Variants in FAM149A observed in about 807,000 individuals in gnomAD.
The protein encoded by FAM149A is protein FAM149A.
In FAM149A, 71 loss-of-function variants were observed where a neutral mutation model predicts 78.2. The ratio of observed to expected loss-of-function variants is 0.91; its 90% CI spans 0.75 to 1.11. The LOEUF is 1.11. Ranked by LOEUF, FAM149A falls within the 50% of genes least tolerant of loss-of-function variation. The pLI, the probability that FAM149A is intolerant of heterozygous loss-of-function variation, is 0.00. For missense variants in FAM149A, 1,036 were observed against 971.0 expected, an observed-to-expected ratio of 1.07 and a Z score of -0.89; for synonymous variants, 446 against 410.5, an observed-to-expected ratio of 1.09 and a Z score of -1.04.
At chr4:186,145,168 G>A in intron 1 of FAM149A, 2 of 984,504 alleles carry the variant, frequency 2.0e-6, no homozygotes, top group Non-Finnish European at 2.4e-6. Context: ...GGCGATGTGC[G>A]CGGTGTTCTC....
chr4:186,127,139 C>T (rs950981505), intron 1 of FAM149A: 115 of 985,094 alleles, frequency 1.2e-4, no homozygotes, highest in Non-Finnish European at 1.3e-4. Flanking sequence ...GCTGACTGCA[C>T]GGGCCAACAG....
rs1390521573 is a variant in FAM149A, at chr4:186,151,381, T to C, written c.790-522T>C. ...TCAGGCCTCACCCTAATAACCACAC[T>C]TCTTAGGATAACTAAGGATTTTTTT... On this transcript the variant is annotated intron_variant, in intron 3 of 13. Transcript: ENST00000389354. Among the ~76,000 whole-genome samples the C allele has an allele frequency of 5.3e-5, 8 of 152,334 alleles. No homozygotes were observed. In the South Asian group the frequency reaches 1.2e-3, roughly 24 times the overall value.
intron 9 of FAM149A, 80 bp downstream of exon 9, chr4:186,163,028 A>G (rs942800835): frequency 1.2e-6 from 1 of 838,072 alleles, no homozygotes; most frequent in Non-Finnish European, 2.0e-6. Flanking sequence ...TGCAGGGGAC[A>G]TGAGATCACG....
chr4:186,109,914 C>G, intron 1 of FAM149A: 2 of 985,328 alleles, frequency 2.0e-6, no homozygotes, highest in Non-Finnish European at 2.4e-6. Flanking sequence ...GTTTAATTAA[C>G]ATTACCACTG....
intron 1 of FAM149A, chr4:186,117,504 G>C: frequency 1.0e-6 from 1 of 985,428 alleles, no homozygotes; most frequent in Non-Finnish European, 1.2e-6. Context: ...TCAGGGGTCT[G>C]AGTTCTAAAG....
rs1420404084 is a variant in FAM149A at position 186,136,964 on chromosome 4, TTCTCTCTCTCTTTCTCTCTCTCTC to T, written c.567-12197_567-12174del. On this transcript the variant is annotated intron_variant, in intron 1 of 13. Coordinates refer to ENST00000389354, the MANE Select transcript of FAM149A (RefSeq NM_001367768.3). ...TCTCTCTCTCTCTCTCTCTCTCTCTTTCTCTCTCTCTTTCTCTCTCTCTCTCTCTCTCTCTCTCTCTCTCTCTCT... is the reference window on the plus strand; with the variant it reads ...TCTCTCTCTCTCTCTCTCTCTCTCTTTCTCTCTCTCTCTCTCTCTCTCTCT... 2.1e-3 allele frequency among the ~76,000 whole-genome samples: 201 copies of T among 97,020 alleles called. 3 individuals are homozygous for T. The highest frequency in any genetic ancestry group is 5.8e-3 in the Middle Eastern group (1 of 172). The allele number at this position is 97,020 out of a possible 152,430, so 63.6% of individuals were successfully genotyped here. A position where few individuals can be genotyped will look rare whatever the true frequency, so the allele number is the denominator to read the frequency against.
At chr4:186,147,041 A>G (rs1733106710) in intron 1 of FAM149A, 5 of 921,888 alleles carry the variant, frequency 5.4e-6, no homozygotes, top group East Asian at 1.2e-4. Context: ...TGGGAGGTCC[A>G]AAGAAACAAG....
At chr4:186,123,508 T>C in intron 1 of FAM149A, 1 of 363,902 alleles carries the variant, frequency 2.7e-6, no homozygotes, top group Non-Finnish European at 3.8e-6. Context: ...GCATTTTCAA[T>C]GAGCAGCCTG....
intron 1 of FAM149A, among the ~76,000 whole-genome samples, chr4:186,128,801 ATG>A (rs1479136393): frequency 6.6e-6 from 1 of 151,990 alleles, no homozygotes; most frequent in Non-Finnish European, 1.5e-5. Context: ...ACATATATGT[ATG>A]TGTGTATGGA....
intron 13 of FAM149A, chr4:186,169,806 C>T: frequency 4.1e-6 from 4 of 985,276 alleles, no homozygotes; most frequent in Non-Finnish European, 3.6e-6. Flanking sequence ...CATGTAGGAC[C>T]CAGGGAACGG....
chr4:186,109,882 G>C (rs1484294118), intron 1 of FAM149A: 13 of 985,322 alleles, frequency 1.3e-5, no homozygotes, highest in Non-Finnish European at 1.6e-5. Context: ...TTCCCTGCAT[G>C]ACTTACAGAA....
Position 186,105,626 on chromosome 4 carries a change from T to C in FAM149A, c.550T>C (p.Ser184Pro). Residue 184 changes from serine (S) to proline (P), a missense_variant, in exon 1 of 14, where the codon TCC (serine) becomes CCC (proline). Coordinates refer to ENST00000389354, the MANE Select transcript of FAM149A (RefSeq NM_001367768.3). ...CGAGGAGGGGGCCTCGGACGGCGAC[T>C]CCGGGGATGGCGAAGCGTGAGTAGC... 9.4e-7 allele frequency: 1 copy of C among 1,058,552 alleles called. No individual in the cohort carries two copies. Among genetic ancestry groups the C allele is most frequent in the Non-Finnish European group, 1.1e-6 (1 of 871,034 alleles). 65.6% of individuals were successfully genotyped at this position (1,058,552 alleles called of 1,614,324 possible).
At chr4:186,139,422 A>G (rs1431938984) in intron 1 of FAM149A, among the ~76,000 whole-genome samples, 2 of 151,838 alleles carry the variant, frequency 1.3e-5, no homozygotes, top group East Asian at 3.8e-4. Context: ...TTAGGTCATG[A>G]TTGCAAAGCC....
intron 1 of FAM149A, among the ~76,000 whole-genome samples, chr4:186,120,905 G>A (rs1323708634): frequency 7.4e-6 from 1 of 135,412 alleles, no homozygotes; most frequent in African/African-American, 2.8e-5. Context: ...CCAGGCTGGA[G>A]TGCAGTGGCG....
At chr4:186,137,005 TCTC>T in intron 1 of FAM149A, among the ~76,000 whole-genome samples, 1 of 141,242 alleles carries the variant, frequency 7.1e-6, no homozygotes, top group Non-Finnish European at 1.5e-5. Flanking sequence ...TCTCTCTCTC[TCTC>T]TCTCTCTCTC....
rs111448527 is a variant in FAM149A, at chr4:186,174,084, CTTTT to C, written c.*2109_*2112del. ...TCCTTCCCTATTCAGTCCAAACTTC[CTTTT>C]TTTTTTTTTTTACTTGAAGTTCAGG... On this transcript the variant is annotated 3_prime_UTR_variant, in exon 14 of 14. Coordinates refer to ENST00000389354, the MANE Select transcript of FAM149A (RefSeq NM_001367768.3). Among the ~76,000 whole-genome samples, 3 of 93,804 alleles carry C rather than the reference CTTTT, an allele frequency of 3.2e-5. No individual in the cohort carries two copies. The highest frequency in any genetic ancestry group is 5.3e-5 in the Non-Finnish European group (2 of 38,078). The allele number at this position is 93,804 out of a possible 152,430, so 61.5% of individuals were successfully genotyped here. A position where few individuals can be genotyped will look rare whatever the true frequency, so the allele number is the denominator to read the frequency against.
In FAM149A at chr4:186,161,909, T is replaced by G. The variant is rs12512328; in HGVS notation, c.1576-936T>G. ...ATCTAAATATGGTTATTTGAAAAAA[T>G]TTTTAATTTACTTTAAGTTCTGGGA... On this transcript the variant is annotated intron_variant, in intron 8 of 13. Transcript: ENST00000389354. Among the ~76,000 whole-genome samples, 19 of 152,098 alleles carry G rather than the reference T, an allele frequency of 1.2e-4. No individual in the cohort carries two copies. In the South Asian group the frequency reaches 1.9e-3, roughly 15 times the overall value.
In FAM149A at chr4:186,144,747, C is replaced by CGGGGCT; in HGVS notation, c.567-4426_567-4425insGGGGCT. The stretch of plus-strand genomic sequence containing the variant: ...GCGGGGCCGGGGCCGGGGCCGGGGC[C>CGGGGCT]CGGAGCGGGGATGGGCGGGCGCAGC... On this transcript the variant is annotated intron_variant, in intron 1 of 13. Transcript: ENST00000389354. The surrounding 1 kb of genome is among the most constrained non-coding windows in gnomAD (Gnocchi z 4.2). 1.1e-6 allele frequency: 1 copy of CGGGGCT among 903,966 alleles called. No individual in the cohort carries two copies. Among genetic ancestry groups the CGGGGCT allele is most frequent in the South Asian group, 4.9e-5 (1 of 20,474 alleles). 56.0% of individuals were successfully genotyped at this position (903,966 alleles called of 1,614,324 possible).
chr4:186,132,071 C>T (rs990348866), intron 1 of FAM149A: 1 of 985,438 alleles, frequency 1.0e-6, no homozygotes, highest in African/African-American at 1.7e-5. Context: ...CATATTAAAG[C>T]TTAGCAACAC....
Sources: gnomAD v4.1 joint callset for allele counts (sites outside exome capture counted in the v4.1 genomes callset) on GRCh38, gnomAD v4.1.1 for gene constraint, Gnocchi (gnomAD v3.1) non-coding constraint, MANE v1.5 for transcripts, NCBI Gene and HGNC (gene_info 2026-07-23, HGNC 2026-07-21) for gene names.